DDX60L: variants seen among roughly 807,000 people sequenced by gnomAD.
DDX60L encodes DExD/H-box 60 like, also known as probable ATP-dependent RNA helicase DDX60-like.
DDX60L carries 191 observed loss-of-function variants against 211.6 expected under a neutral mutation model. The ratio of observed to expected loss-of-function variants is 0.90; its 90% CI spans 0.80 to 1.02. The LOEUF is 1.02. Ranked by LOEUF, DDX60L falls within the 50% of genes least tolerant of loss-of-function variation. DDX60L has a pLI of 0.00. For synonymous variants in DDX60L, 706 were observed against 694.1 expected (o/e 1.02, Z -0.27); for missense variants, 2,007 against 1,984.1 (o/e 1.01, Z -0.22).
At chr4:168,369,952 A>G (rs1457380284) in intron 36 of DDX60L, among the ~76,000 whole-genome samples, 1 of 152,170 alleles carries the variant, frequency 6.6e-6, no homozygotes, top group East Asian at 1.9e-4. Context: ...CGGAAAGGGA[A>G]CCCTTACATG....
At chr4:168,382,494 T>C (rs1328973710) in intron 30 of DDX60L, among the ~76,000 whole-genome samples, 1 of 152,016 alleles carries the variant, frequency 6.6e-6, no homozygotes, top group Non-Finnish European at 1.5e-5. Flanking sequence ...ATTTAAAATA[T>C]AATTTTTATT....
chr4:168,470,849 A>AG, intron 4 of DDX60L: 1 of 283,852 alleles, frequency 3.5e-6, no homozygotes, highest in Non-Finnish European at 7.0e-6. Context: ...TAAAAAAAAA[A>AG]AAAGAAAGTT....
At chr4:168,378,703 G>A (rs953244251) in intron 32 of DDX60L, among the ~76,000 whole-genome samples, 5 of 151,590 alleles carry the variant, frequency 3.3e-5, no homozygotes, top group African/African-American at 7.3e-5. Context: ...TGCTATACCC[G>A]CCCTAGTTCC....
At chr4:168,441,531 TAC>T (rs1338562410) in intron 9 of DDX60L, 39 bp from the exon 10 acceptor site, 1 of 1,519,684 alleles carries the variant, frequency 6.6e-7, no homozygotes, top group East Asian at 2.3e-5. Flanking sequence ...TCAAAAGTCA[TAC>T]ACATGCAGAC....
intron 8 of DDX60L, among the ~76,000 whole-genome samples, chr4:168,449,811 A>AT (rs1554017234): frequency 4.3e-5 from 4 of 93,830 alleles, no homozygotes; most frequent in Non-Finnish European, 6.9e-5. Flanking sequence ...AAAATAAAAA[A>AT]AAAAAAAAAA....
At chr4:168,475,844 T>A (rs1475180387) in intron 1 of DDX60L, among the ~76,000 whole-genome samples, 1 of 152,072 alleles carries the variant, frequency 6.6e-6, no homozygotes, top group Non-Finnish European at 1.5e-5. Context: ...GACTGGTGTC[T>A]TCTTAAGAAG....
chr4:168,422,016 C>T (rs1750716285), intron 16 of DDX60L, 107 bp from the exon 17 acceptor site: 6 of 1,421,078 alleles, frequency 4.2e-6, no homozygotes, highest in Non-Finnish European at 5.8e-6. Flanking sequence ...ATTATGCTAC[C>T]TTTGGGGGAA....
At chr4:168,459,400 G>A (rs528747576) in intron 5 of DDX60L, among the ~76,000 whole-genome samples, 1 of 151,992 alleles carries the variant, frequency 6.6e-6, no homozygotes, top group South Asian at 2.1e-4. Flanking sequence ...GTCAGAGTCT[G>A]GTATTTTTCA....
intron 26 of DDX60L, among the ~76,000 whole-genome samples, chr4:168,397,935 T>C (rs907263884): frequency 6.6e-6 from 1 of 152,044 alleles, no homozygotes; most frequent in African/African-American, 2.4e-5. Context: ...CCCTGTGCTC[T>C]TGGGGGCTGG....
intron 26 of DDX60L, 24 bp from the exon 27 acceptor site, chr4:168,396,148 ACTTTTAAGTAATG>A: frequency 4.5e-6 from 6 of 1,340,826 alleles, no homozygotes; most frequent in Middle Eastern, 2.7e-4. Context: ...AAAAAAAAAA[ACTTTTAAGTAATG>A]AAAACTCATA....
intron 1 of DDX60L, among the ~76,000 whole-genome samples, chr4:168,479,720 G>T (rs1203259946): frequency 6.6e-6 from 1 of 152,050 alleles, no homozygotes; most frequent in African/African-American, 2.4e-5. Flanking sequence ...TGTAATCCCA[G>T]CACTTTGGGC....
At chr4:168,451,683 G>A (rs1579748707) in intron 8 of DDX60L, among the ~76,000 whole-genome samples, 2 of 152,278 alleles carry the variant, frequency 1.3e-5, no homozygotes, top group South Asian at 4.1e-4. Context: ...GTCAATTTCA[G>A]CTTGAAATCC....
rs1245691564 is a variant in DDX60L at position 168,373,766 on chromosome 4, T to A, written c.4676A>T (p.His1559Leu). 4 of 1,613,796 alleles carry A rather than the reference T, an allele frequency of 2.5e-6. 1 individual carries two copies. In the South Asian group the frequency reaches 3.3e-5, roughly 13 times the overall value. Residue 1559 changes from histidine to leucine, a missense_variant, in exon 35 of 38, where the codon CAC (histidine) becomes CTC (leucine). His to Leu is a moderately conservative substitution (Grantham distance 99). Coordinates refer to ENST00000682922, the MANE Select transcript of DDX60L (RefSeq NM_001012967.3). ...TCTTCCTTTCTTGCAGCTCATCAAG[T>A]GAGACACGAGTTGGGAGTCTTCACA... ...KECEDSQLVSHLMSCKKGRVA... is the reference protein window; with the variant it reads ...KECEDSQLVSLLMSCKKGRVA...
chr4:168,464,984 A>G (rs531251845), intron 4 of DDX60L, among the ~76,000 whole-genome samples: 1 of 152,104 alleles, frequency 6.6e-6, no homozygotes, highest in East Asian at 1.9e-4. Flanking sequence ...TCTTTAACAT[A>G]CTGATTTCCT....
At chr4:168,414,197 A>T (rs775310431) in intron 22 of DDX60L, among the ~76,000 whole-genome samples, 1 of 152,216 alleles carries the variant, frequency 6.6e-6, no homozygotes, top group Admixed American at 6.5e-5. Flanking sequence ...GATTTCAGCA[A>T]CACCTGTCCT....
chr4:168,474,737 C>T (rs1272446311), intron 1 of DDX60L, among the ~76,000 whole-genome samples: 9 of 152,090 alleles, frequency 5.9e-5, no homozygotes, highest in African/African-American at 1.9e-4. Flanking sequence ...TATTAAGACA[C>T]ATGAAAGATT....
At chr4:168,382,687 C>T (rs1016046524) in intron 30 of DDX60L, among the ~76,000 whole-genome samples, 5 of 151,898 alleles carry the variant, frequency 3.3e-5, no homozygotes, top group Non-Finnish European at 5.9e-5. Context: ...AAGGTAGAAG[C>T]AAATCTATTT....
At position 168,415,741 on chromosome 4, in the gene DDX60L, A is replaced by C. The variant is rs1561022205; in HGVS notation, c.2785T>G (p.Cys929Gly). 1.3e-6 allele frequency: 2 copies of C among 1,596,304 alleles called. No homozygotes were observed. The highest frequency in any genetic ancestry group is 1.7e-6 in the Non-Finnish European group (2 of 1,170,214). ...KQADKIMEEKCISEKQADKCL... is the reference protein window; with the variant it reads ...KQADKIMEEKGISEKQADKCL... Reference sequence around the variant, plus strand: ...TTGTCAGCCTGTTTTTCAGAAATACATTTCTCTTCCATAATCTTGTCTGCC... The same window carrying C: ...TTGTCAGCCTGTTTTTCAGAAATACCTTTCTCTTCCATAATCTTGTCTGCC... Residue 929 changes from cysteine to glycine, a missense_variant, in exon 21 of 38, where the codon TGT becomes GGT. Physicochemically the swap from Cys to Gly is radical, Grantham distance 159. Coordinates refer to ENST00000682922, the MANE Select transcript of DDX60L (RefSeq NM_001012967.3).
At chr4:168,463,047 G>C (rs1220462999) in intron 4 of DDX60L, among the ~76,000 whole-genome samples, 1 of 152,158 alleles carries the variant, frequency 6.6e-6, no homozygotes, top group Non-Finnish European at 1.5e-5. Flanking sequence ...CACTGTTGGT[G>C]GGAGTGTAAA....
Sources: allele counts gnomAD v4.1 joint callset (sites outside exome capture counted in the v4.1 genomes callset), GRCh38; gene constraint gnomAD v4.1.1; transcripts MANE v1.5; gene names NCBI Gene and HGNC (gene_info 2026-07-23, HGNC 2026-07-21).